LARGE1: variants seen among roughly 807,000 people sequenced by gnomAD.
LARGE1 encodes the protein LARGE xylosyl- and glucuronyltransferase 1, also known as xylosyl- and glucuronyltransferase LARGE1.
In LARGE1, 43 loss-of-function variants were observed where a neutral mutation model predicts 87.6. The observed-to-expected ratio is 0.49, with a 90% CI of 0.38 to 0.63. The LOEUF (loss-of-function observed/expected upper bound fraction) is 0.63. Ranked by LOEUF, LARGE1 falls within the 30% of genes least tolerant of loss-of-function variation. LARGE1 has a pLI of 0.00. For missense variants in LARGE1, 802 were observed against 1,000.2 expected (o/e 0.80, Z 2.67); for synonymous variants, 434 against 394.6 (o/e 1.10, Z -1.18).
intron 13 of LARGE1, among the ~76,000 whole-genome samples, chr22:33,280,867 A>G (rs1294538014): frequency 6.6e-6 from 1 of 152,188 alleles, no homozygotes; most frequent in Non-Finnish European, 1.5e-5. Context: ...ACTGGTTCCA[A>G]TTCCAGAGTT....
chr22:33,095,149 C>T, the LARGE1 span, among the ~76,000 whole-genome samples: 1 of 152,224 alleles, frequency 6.6e-6, no homozygotes, highest in Non-Finnish European at 1.5e-5. Context: ...CCTAGGGCTG[C>T]TGTAACAAAT....
intron 6 of LARGE1, among the ~76,000 whole-genome samples, chr22:33,451,370 T>C (rs1189705416): frequency 6.6e-6 from 1 of 151,726 alleles, no homozygotes; most frequent in Non-Finnish European, 1.5e-5. Flanking sequence ...TTTTATTTTA[T>C]TTCAATAGCT....
At chr22:33,718,612 C>G (rs2082982613) in intron 2 of LARGE1, among the ~76,000 whole-genome samples, 1 of 152,210 alleles carries the variant, frequency 6.6e-6, no homozygotes, top group African/African-American at 2.4e-5. Context: ...TCCTGATCCA[C>G]AGTTATTTTA....
intron 1 of LARGE1, among the ~76,000 whole-genome samples, chr22:33,809,459 A>G (rs2086422500): frequency 6.6e-6 from 1 of 152,238 alleles, no homozygotes; most frequent in East Asian, 1.9e-4. Context: ...ACACCTGTGC[A>G]TAGCACATAG....
intron 3 of LARGE1, among the ~76,000 whole-genome samples, chr22:33,643,893 C>A (rs1041719248): frequency 2.0e-5 from 3 of 152,114 alleles, no homozygotes; most frequent in Non-Finnish European, 2.9e-5. Context: ...AGACCAATAA[C>A]AAGTTCTGAA....
At chr22:33,296,174 C>T (rs1444815627) in intron 12 of LARGE1, among the ~76,000 whole-genome samples, 4 of 152,198 alleles carry the variant, frequency 2.6e-5, no homozygotes, top group Non-Finnish European at 5.9e-5. Context: ...TAGAGTTAAA[C>T]GCTGGCTGGG....
rs1222274699 is a variant in LARGE1 at position 33,457,210 on chromosome 22, C to T, written c.788-24945G>A. On this transcript the variant is annotated intron_variant, in intron 6 of 14. Transcript: ENST00000397394. ...TGGCGTGATCTTGGCTCACTGAAAC[C>T]TCTGCCTCCCAAGTTCAAGCGATTC... Among the ~76,000 whole-genome samples, 5 of 151,680 alleles carry T rather than the reference C, an allele frequency of 3.3e-5. No homozygotes were observed. The East Asian group carries it at 9.7e-4, about 29-fold the overall frequency.
At chr22:33,280,575 A>G (rs2145865773) in intron 13 of LARGE1, among the ~76,000 whole-genome samples, 1 of 152,322 alleles carries the variant, frequency 6.6e-6, no homozygotes, top group African/African-American at 2.4e-5. Flanking sequence ...CTGAGGAGGC[A>G]GCTTTGATCA....
At chr22:33,251,366 T>C (rs929417835) in intron 11 of LARGE1, among the ~76,000 whole-genome samples, 3 of 152,012 alleles carry the variant, frequency 2.0e-5, no homozygotes, top group Non-Finnish European at 4.4e-5. Context: ...TTTATCTGAT[T>C]TGTGATTTTT....
intron 2 of LARGE1, among the ~76,000 whole-genome samples, chr22:33,739,188 G>A (rs141949960): frequency 5.9e-5 from 9 of 152,210 alleles, no homozygotes; most frequent in Non-Finnish European, 8.8e-5. Flanking sequence ...CACTGGGCAC[G>A]TGTAGAAACT....
At chr22:33,212,046 A>G (rs976912350) in intron 11 of LARGE1, among the ~76,000 whole-genome samples, 1 of 152,206 alleles carries the variant, frequency 6.6e-6, no homozygotes, top group African/African-American at 2.4e-5. Context: ...CATAACACCA[A>G]AAGTGCAAGG....
chr22:33,317,315 C>T (rs1184913293), intron 10 of LARGE1, among the ~76,000 whole-genome samples: 1 of 152,120 alleles, frequency 6.6e-6, no homozygotes, highest in African/African-American at 2.4e-5. Context: ...TGACAAGGAC[C>T]TCCGTATGAC....
At chr22:33,223,530 C>T (rs147373616) in intron 11 of LARGE1, among the ~76,000 whole-genome samples, 139 of 152,256 alleles carry the variant, frequency 9.1e-4, no homozygotes, top group African/African-American at 2.9e-3. Flanking sequence ...AGAATGACGC[C>T]CTCCAGTGTT....
chr22:33,896,484 T>C (rs1181645484), intron 1 of LARGE1, among the ~76,000 whole-genome samples: 1 of 152,226 alleles, frequency 6.6e-6, no homozygotes, highest in Non-Finnish European at 1.5e-5. Context: ...CAGGGGCACA[T>C]TTGAGGCCAA....
intron 2 of LARGE1, among the ~76,000 whole-genome samples, chr22:33,670,891 G>C (rs1444058667): frequency 6.6e-6 from 1 of 152,014 alleles, no homozygotes; most frequent in Non-Finnish European, 1.5e-5. Context: ...AAGTTGTTAG[G>C]ACATAAATGC....
At chr22:33,214,709 T>C (rs1021647153) in intron 11 of LARGE1, among the ~76,000 whole-genome samples, 2 of 152,152 alleles carry the variant, frequency 1.3e-5, no homozygotes, top group Non-Finnish European at 2.9e-5. Flanking sequence ...CCTACTGAAG[T>C]GTGTGCATGC....
At chr22:33,750,499 C>T (rs1463685308) in intron 2 of LARGE1, 1 of 152,100 alleles carries the variant, frequency 6.6e-6, no homozygotes, top group Non-Finnish European at 1.5e-5. Flanking sequence ...GAAACGATTG[C>T]TACAGTTTCC....
chr22:33,884,950 G>T (rs2064803702), intron 1 of LARGE1, among the ~76,000 whole-genome samples: 1 of 152,278 alleles, frequency 6.6e-6, no homozygotes, highest in Admixed American at 6.5e-5. Flanking sequence ...TCCATGGGGG[G>T]GAGGAATTAA....
intron 6 of LARGE1, among the ~76,000 whole-genome samples, chr22:33,459,367 G>A (rs2068273154): frequency 6.6e-6 from 1 of 151,664 alleles, no homozygotes; most frequent in Non-Finnish European, 1.5e-5. Context: ...GTGGATCGAG[G>A]AGCATGATCC....
Sources: gnomAD v4.1 joint callset for allele counts (sites outside exome capture counted in the v4.1 genomes callset) on GRCh38, gnomAD v4.1.1 for gene constraint, MANE v1.5 for transcripts, NCBI Gene and HGNC (gene_info 2026-07-23, HGNC 2026-07-21) for gene names.